The following RGS7 variants were observed in gnomAD, a reference collection of about 807,000 sequenced individuals.
RGS7 encodes regulator of G protein signaling 7, also known as regulator of G-protein signaling 7.
Under a neutral mutation model 81.1 loss-of-function variants are expected in RGS7, and 27 were observed. That is an observed-to-expected ratio of 0.33 (90% confidence interval 0.25 to 0.46). RGS7 has a LOEUF of 0.46. Among genes scored for constraint, RGS7 ranks in the 20% least tolerant of loss-of-function variants. The pLI, the probability that RGS7 is intolerant of heterozygous loss-of-function variation, is 1.00. For synonymous variants in RGS7, 208 were observed against 207.7 expected (o/e 1.00, Z -0.01); for missense variants, 396 against 607.4 (o/e 0.65, Z 3.66).
At chr1:240,812,377 A>C (rs1690000607) in intron 13 of RGS7, among the ~76,000 whole-genome samples, 2 of 152,028 alleles carry the variant, frequency 1.3e-5, no homozygotes, top group Middle Eastern at 3.4e-3. Context: ...TGCCAATGTC[A>C]GGCAAGTAAT....
chr1:241,087,954 C>A (rs28534572), intron 3 of RGS7, among the ~76,000 whole-genome samples: 29,596 of 111,108 alleles, frequency 0.27, 3,749 homozygotes, highest in African/African-American at 0.42. Flanking sequence ...ATCTCTCTCT[C>A]TCTCTCTCTC....
At chr1:241,123,419 T>G (rs2103005550) in intron 2 of RGS7, among the ~76,000 whole-genome samples, 1 of 152,238 alleles carries the variant, frequency 6.6e-6, no homozygotes, top group South Asian at 2.1e-4. Flanking sequence ...AAGTGGATTC[T>G]CCCTAAGATA....
At chr1:241,089,020 CATCTCTCTCT>C (rs2063666337) in intron 3 of RGS7, among the ~76,000 whole-genome samples, 1 of 45,456 alleles carries the variant, frequency 2.2e-5, no homozygotes, top group Admixed American at 2.3e-4. Context: ...AGCAAGACTC[CATCTCTCTCT>C]CTCTCTCTCT....
At chr1:240,945,820 A>C (rs1678506300) in intron 4 of RGS7, among the ~76,000 whole-genome samples, 1 of 152,200 alleles carries the variant, frequency 6.6e-6, no homozygotes, top group Non-Finnish European at 1.5e-5. Context: ...TAGTTTATAA[A>C]AGCACATGTA....
At chr1:241,219,541 C>A (rs142324224) in intron 2 of RGS7, among the ~76,000 whole-genome samples, 1 of 152,230 alleles carries the variant, frequency 6.6e-6, no homozygotes, top group African/African-American at 2.4e-5. Context: ...GCCAGTTACC[C>A]GAGTCACAGT....
Position 241,144,328 on chromosome 1 carries a change from G to A in RGS7, c.79-45566C>T, listed in dbSNP as rs1030937869. Among the ~76,000 whole-genome samples, 13 of 152,054 alleles carry A rather than the reference G, an allele frequency of 8.5e-5. No homozygotes were observed. Among genetic ancestry groups the A allele is most frequent in the Admixed American group, 2.6e-4 (4 of 15,260 alleles). On this transcript the variant is annotated intron_variant, in intron 2 of 18. Transcript: ENST00000440928. This position sits in a 1 kb window ranked among gnomAD's most constrained non-coding sequence, Gnocchi z 4.7. ...GCAAACGCATCCATCACACACACAT[G>A]TGGATACGCACAGGCACACACATCC...
chr1:240,866,807 T>C (rs1029270790), intron 9 of RGS7, among the ~76,000 whole-genome samples: 36 of 152,020 alleles, frequency 2.4e-4, no homozygotes, highest in African/African-American at 8.0e-4. Flanking sequence ...TCATGTGTCA[T>C]CTCTGTGAGC....
At chr1:241,275,810 C>T (rs994212000) in intron 2 of RGS7, among the ~76,000 whole-genome samples, 1 of 152,222 alleles carries the variant, frequency 6.6e-6, no homozygotes, top group African/African-American at 2.4e-5. Flanking sequence ...CTAACCATCA[C>T]TTGCGTGAAC....
intron 4 of RGS7, among the ~76,000 whole-genome samples, chr1:240,955,551 CAAAAAAAAAAAAAAAAAAAA>C (rs369155474): frequency 0.042 from 5,870 of 140,336 alleles, 514 homozygotes; most frequent in African/African-American, 0.15. Flanking sequence ...GACTCTGTCT[CAAAAAAAAAAAAAAAAAAAA>C]AAAAAAAAAA....
intron 4 of RGS7, among the ~76,000 whole-genome samples, chr1:240,976,784 T>C (rs1414264216): frequency 7.8e-6 from 1 of 128,414 alleles, no homozygotes; most frequent in Non-Finnish European, 1.8e-5. Context: ...CGATCTATCA[T>C]CTATTATCCA....
At chr1:241,152,299 A>G (rs1454486679) in intron 2 of RGS7, among the ~76,000 whole-genome samples, 11 of 152,220 alleles carry the variant, frequency 7.2e-5, no homozygotes, top group Admixed American at 7.2e-4. Flanking sequence ...TGTGTAAAAC[A>G]CCATATTATA....
chr1:240,923,249 A>C (rs1230767853), intron 6 of RGS7, among the ~76,000 whole-genome samples: 2 of 152,088 alleles, frequency 1.3e-5, no homozygotes, highest in African/African-American at 4.8e-5. Context: ...TAAATGGTGG[A>C]TAAATGTTAT....
intron 14 of RGS7, among the ~76,000 whole-genome samples, chr1:240,810,518 C>T (rs2103091147): frequency 6.7e-6 from 1 of 149,212 alleles, no homozygotes; most frequent in African/African-American, 2.5e-5. Flanking sequence ...GCAATCTCAG[C>T]TCACTGCAAC....
At chr1:241,327,649 C>A (rs2081683365) in intron 2 of RGS7, among the ~76,000 whole-genome samples, 1 of 152,092 alleles carries the variant, frequency 6.6e-6, no homozygotes, top group African/African-American at 2.4e-5. Context: ...GAATGCTACA[C>A]TGATAATAGT....
intron 4 of RGS7, among the ~76,000 whole-genome samples, chr1:240,970,046 T>C (rs1682953723): frequency 6.6e-6 from 1 of 152,254 alleles, no homozygotes; most frequent in African/African-American, 2.4e-5. Flanking sequence ...ACATAGTTGA[T>C]GCTCAGTAAA....
chr1:240,977,139 C>T (rs1327050220), intron 4 of RGS7, among the ~76,000 whole-genome samples: 1 of 133,104 alleles, frequency 7.5e-6, no homozygotes, highest in Non-Finnish European at 1.6e-5. Context: ...CACACACACA[C>T]ATTGCTTTGT....
chr1:240,930,565 C>A, intron 6 of RGS7, 152 bp downstream of exon 6: 1 of 783,604 alleles, frequency 1.3e-6, no homozygotes, highest in Non-Finnish European at 2.2e-6. Flanking sequence ...ACTTTCCAAA[C>A]AAAGCCGCTT....
At chr1:240,966,849 ATTG>A (rs1682384966) in intron 4 of RGS7, among the ~76,000 whole-genome samples, 1 of 152,184 alleles carries the variant, frequency 6.6e-6, no homozygotes, top group African/African-American at 2.4e-5. Context: ...TGTCTCCTAT[ATTG>A]TTAAGTAAAA....
At chr1:240,906,518 C>T (rs71648637) in intron 6 of RGS7, among the ~76,000 whole-genome samples, 1 of 152,152 alleles carries the variant, frequency 6.6e-6, no homozygotes, top group African/African-American at 2.4e-5. Flanking sequence ...GAAAAACATG[C>T]CTAAAACAGA....
Sources: gnomAD v4.1 joint callset for allele counts (sites outside exome capture counted in the v4.1 genomes callset) on GRCh38, gnomAD v4.1.1 for gene constraint, Gnocchi (gnomAD v3.1) non-coding constraint, MANE v1.5 for transcripts, NCBI Gene and HGNC (gene_info 2026-07-23, HGNC 2026-07-21) for gene names.